GAA: variants seen among roughly 807,000 people sequenced by gnomAD.
GAA encodes lysosomal alpha-glucosidase.
GAA carries 88 observed loss-of-function variants against 103.9 expected under a neutral mutation model. The ratio of observed to expected loss-of-function variants is 0.85; its 90% CI spans 0.71 to 1.01. The LOEUF (loss-of-function observed/expected upper bound fraction) is 1.01, where lower values mean the gene tolerates loss of function less well. Ranked by LOEUF, GAA falls within the 50% of genes least tolerant of loss-of-function variation. The pLI is 0.00. For missense variants in GAA, 1,350 were observed against 1,305.3 expected, an observed-to-expected ratio of 1.03 and a Z score of -0.53; for synonymous variants, 572 against 563.1, an observed-to-expected ratio of 1.02 and a Z score of -0.22.
Position 80,111,045 on chromosome 17 carries a change from A to T in GAA, c.1636+20A>T, listed in dbSNP as rs1567833397. 6.2e-7 allele frequency: 1 copy of T among 1,605,988 alleles called. No individual in the cohort carries two copies. The highest frequency in any genetic ancestry group is 8.5e-7 in the Non-Finnish European group (1 of 1,174,770). On this transcript the variant is annotated intron_variant, in intron 11 of 19. Coordinates refer to ENST00000302262, the MANE Select transcript of GAA (RefSeq NM_000152.5). Reference sequence around the variant, plus strand: ...TGCCTGGTCAGCTCGCCCCCCACCTACCCTGGGGACTTAATCAAATCAGAG... The same window carrying T: ...TGCCTGGTCAGCTCGCCCCCCACCTTCCCTGGGGACTTAATCAAATCAGAG...
rs1489442441 is a variant in GAA at position 80,108,375 on chromosome 17, C to T, written c.1041C>T (p.Pro347=). The T allele has an allele frequency of 4.3e-6, 7 of 1,613,560 alleles. No homozygotes were observed. The highest frequency in any genetic ancestry group is 1.6e-4 in the Middle Eastern group (1 of 6,062). Reference sequence around the variant, plus strand: ...TCTACATCTTCCTGGGCCCAGAGCCCAAGAGCGTGGTGCAGCAGTACCTGG... The same window carrying T: ...TCTACATCTTCCTGGGCCCAGAGCCTAAGAGCGTGGTGCAGCAGTACCTGG... ...LDVYIFLGPE[P]KSVVQQYLDV... Residue 347 remains proline (P), a synonymous_variant, in exon 6 of 20, where the codon CCC becomes CCT. Coordinates refer to ENST00000302262, the MANE Select transcript of GAA (RefSeq NM_000152.5).
At chr17:80,105,728 A>G (rs371149966) in intron 2 of GAA, 21 bp from the exon 3 acceptor site, 50 of 1,611,196 alleles carry the variant, frequency 3.1e-5, no homozygotes, top group Non-Finnish European at 3.9e-5. Flanking sequence ...GGGAACATCA[A>G]TAAACCCCCA....
chr17:80,108,815 A>C lies in GAA; in HGVS notation c.1313A>C (p.Tyr438Ser), dbSNP rs1001018149. 1 of 1,596,364 alleles carries C rather than the reference A, an allele frequency of 6.3e-7. No homozygotes were observed. Among genetic ancestry groups the C allele is most frequent in the Non-Finnish European group, 8.5e-7 (1 of 1,171,878 alleles). Reference protein sequence around the residue: ...VQELHQGGRRYMMIVDPAISS... With the variant: ...VQELHQGGRRSMMIVDPAISS... ...GAGCTGCACCAGGGCGGCCGGCGCT[A>C]CATGATGATCGTGGTGTGTGCCCCC... The change falls in exon 8 of 20, where the codon TAC (tyrosine) becomes TCC (serine). Residue 438 changes from tyrosine to serine, a missense_variant. Physicochemically the swap from Tyr to Ser is moderately radical, Grantham distance 144. Coordinates refer to ENST00000302262, the MANE Select transcript of GAA (RefSeq NM_000152.5).
At chr17:80,117,426 G>T (rs558879081) in intron 16 of GAA, among the ~76,000 whole-genome samples, 174 bp from the exon 17 acceptor site, 2 of 152,316 alleles carry the variant, frequency 1.3e-5, no homozygotes, top group East Asian at 3.9e-4. Context: ...GTAGCCAGGA[G>T]GGTCCCTACC....
intron 8 of GAA, among the ~76,000 whole-genome samples, chr17:80,109,381 C>T (rs1186721129): frequency 6.6e-6 from 1 of 152,244 alleles, no homozygotes; most frequent in African/African-American, 2.4e-5. Context: ...GCCAGTCCCA[C>T]AGCCAGAAGG....
chr17:80,112,006 G>A lies in GAA; in HGVS notation c.1660G>A (p.Ala554Thr). The stretch of plus-strand genomic sequence containing the variant: ...AGGGGTGGTTGGGGGGACCCTCCAG[G>A]CGGCCACCATCTGTGCCTCCAGCCA... ...VPGVVGGTLQ[A>T]ATICASSHQF... Residue 554 changes from alanine (A) to threonine (T), a missense_variant, in exon 12 of 20, where the codon GCG (alanine) becomes ACG (threonine). Transcript: ENST00000302262. The A allele has an allele frequency of 1.2e-6, 2 of 1,613,846 alleles. No individual in the cohort carries two copies. Among genetic ancestry groups the A allele is most frequent in the Middle Eastern group, 1.6e-4 (1 of 6,062 alleles).
chr17:80,119,069 C>T (rs560131706), intron 19 of GAA, among the ~76,000 whole-genome samples: 27 of 152,322 alleles, frequency 1.8e-4, no homozygotes, highest in Admixed American at 1.6e-3. Context: ...GTTAAGGTGA[C>T]CCGCACTGAG....
In GAA at chr17:80,119,787, C is replaced by T. The variant is rs926063166; in HGVS notation, c.*456C>T. On this transcript the variant is annotated 3_prime_UTR_variant, in exon 20 of 20. Transcript: ENST00000302262. ...AGAGGGCTGGATGCCTGCCGGTCCC[C>T]GAGCAAGCCTGGGAACTCAGGAAAA... is the stretch of plus-strand genomic sequence containing the variant. 6 of 206,666 alleles carry T rather than the reference C, an allele frequency of 2.9e-5. No individual in the cohort carries two copies. The highest frequency in any genetic ancestry group is 2.1e-4 in the Admixed American group (4 of 19,182). 12.8% of individuals were successfully genotyped at this position (206,666 alleles called of 1,614,324 possible).
chr17:80,119,434 T>C lies in GAA; in HGVS notation c.*103T>C. On this transcript the variant is annotated 3_prime_UTR_variant, in exon 20 of 20. Coordinates refer to ENST00000302262, the MANE Select transcript of GAA (RefSeq NM_000152.5). ...TGTGCGGGCCTGGGGGTTGCATGTG[T>C]CACCTGGAGCTGGGCACTAACCATT... is the stretch of plus-strand genomic sequence containing the variant. 1.0e-6 allele frequency: 1 copy of C among 986,824 alleles called. No individual in the cohort carries two copies. The highest frequency in any genetic ancestry group is 1.3e-5 in the South Asian group (1 of 77,336). 61.1% of individuals were successfully genotyped at this position (986,824 alleles called of 1,614,324 possible). A position where few individuals can be genotyped will look rare whatever the true frequency, so the allele number is the denominator to read the frequency against.
intron 2 of GAA, among the ~76,000 whole-genome samples, chr17:80,105,377 G>A (rs1341729079): frequency 6.6e-6 from 1 of 152,206 alleles, no homozygotes; most frequent in African/African-American, 2.4e-5. Context: ...GTCAGGTAGA[G>A]TAGGGCTGCC....
In GAA at chr17:80,108,822, G is replaced by C. The variant is rs550837627; in HGVS notation, c.1320G>C (p.Met440Ile). Residue 440 changes from methionine to isoleucine, a missense_variant, in exon 8 of 20, where the codon ATG becomes ATC. Physicochemically the swap from Met to Ile is conservative, Grantham distance 10. Transcript: ENST00000302262. ...ACCAGGGCGGCCGGCGCTACATGAT[G>C]ATCGTGGTGTGTGCCCCCACACTGT... Reference protein sequence around the residue: ...ELHQGGRRYMMIVDPAISSSG... With the variant: ...ELHQGGRRYMIIVDPAISSSG... The C allele has an allele frequency of 6.3e-7, 1 of 1,592,028 alleles. No homozygotes were observed. The highest frequency in any genetic ancestry group is 8.5e-7 in the Non-Finnish European group (1 of 1,169,682).
At chr17:80,107,178 G>C (rs1010275510) in intron 3 of GAA, among the ~76,000 whole-genome samples, 1 of 152,196 alleles carries the variant, frequency 6.6e-6, no homozygotes, top group Non-Finnish European at 1.5e-5. Flanking sequence ...GAGGACTTTG[G>C]CCACAAGCTC....
At position 80,105,865 on chromosome 17, in the gene GAA, C is replaced by A. The variant is rs142878958; in HGVS notation, c.663C>A (p.Ile221=). 4 of 1,603,826 alleles carry A rather than the reference C, an allele frequency of 2.5e-6. No individual in the cohort carries two copies. In the African/African-American group the frequency reaches 5.3e-5, roughly 21 times the overall value. The change falls in exon 3 of 20, where the codon ATC becomes ATA. Residue 221 remains isoleucine (I), a synonymous_variant. Coordinates refer to ENST00000302262, the MANE Select transcript of GAA (RefSeq NM_000152.5). The part of the protein sequence containing the change: ...VEFSEEPFGV[I]VRRQLDGRVL... ...TCTCCGAGGAGCCCTTCGGGGTGATCGTGCGCCGGCAGCTGGACGGCCGCG... is the reference window on the plus strand; with the variant it reads ...TCTCCGAGGAGCCCTTCGGGGTGATAGTGCGCCGGCAGCTGGACGGCCGCG...
intron 9 of GAA, 66 bp from the exon 10 acceptor site, chr17:80,110,661 C>T (rs2039210074): frequency 9.3e-6 from 13 of 1,394,844 alleles, no homozygotes; most frequent in Middle Eastern, 2.3e-4. Flanking sequence ...GGCTGAGGCT[C>T]AGTGGGGCTT....
At chr17:80,103,026 T>C (rs1184573806) in intron 1 of GAA, among the ~76,000 whole-genome samples, 1 of 152,194 alleles carries the variant, frequency 6.6e-6, no homozygotes, top group Non-Finnish European at 1.5e-5. Flanking sequence ...TGTTTCACCC[T>C]CCAGCCCAGA....
Position 80,105,108 on chromosome 17 carries a change from G to T in GAA, c.522G>T (p.Glu174Asp), listed in dbSNP as rs771765461. 2 of 1,609,692 alleles carry T rather than the reference G, an allele frequency of 1.2e-6. No homozygotes were observed. Among genetic ancestry groups the T allele is most frequent in the Admixed American group, 3.3e-5 (2 of 60,018 alleles). ...CCCTGCGGCTGGACGTGATGATGGA[G>T]ACTGAGAACCGCCTCCACTTCACGG... ...ILTLRLDVMM[E>D]TENRLHFTIK... Residue 174 changes from glutamate (E) to aspartate (D), a missense_variant, in exon 2 of 20, where the codon GAG becomes GAT. Transcript: ENST00000302262.
At chr17:80,108,010 G>T in intron 5 of GAA, 114 bp downstream of exon 5, 1 of 1,129,122 alleles carries the variant, frequency 8.9e-7, no homozygotes, top group East Asian at 2.6e-5. Context: ...TGTGTTTTCT[G>T]GGAAATGAGT....
In GAA at chr17:80,109,952, C is replaced by T; in HGVS notation, c.1334C>T (p.Ala445Val). 6.2e-7 allele frequency: 1 copy of T among 1,613,012 alleles called. No homozygotes were observed. The highest frequency in any genetic ancestry group is 8.5e-7 in the Non-Finnish European group (1 of 1,179,616). ...GRRYMMIVDP[A>V]ISSSGPAGSY... ...AGGTTTCCCTCTTCCCAGGATCCTGCCATCAGCAGCTCGGGCCCTGCCGGG... is the reference window on the plus strand; with the variant it reads ...AGGTTTCCCTCTTCCCAGGATCCTGTCATCAGCAGCTCGGGCCCTGCCGGG... Residue 445 changes from alanine to valine, a missense_variant, in exon 9 of 20, where the codon GCC becomes GTC. Ala to Val is a moderately conservative substitution (Grantham distance 64). Transcript: ENST00000302262.
At chr17:80,109,609 G>C (rs2039180385) in intron 8 of GAA, among the ~76,000 whole-genome samples, 1 of 140,624 alleles carries the variant, frequency 7.1e-6, no homozygotes, top group Admixed American at 7.1e-5. Context: ...TTAAGAGCAG[G>C]AGTGGAAACA....
Sources: allele counts gnomAD v4.1 joint callset (sites outside exome capture counted in the v4.1 genomes callset), GRCh38; gene constraint gnomAD v4.1.1; transcripts MANE v1.5; gene names NCBI Gene and HGNC (gene_info 2026-07-23, HGNC 2026-07-21).